Variants in PCNX1 observed in about 807,000 individuals in gnomAD.
The protein encoded by PCNX1 is pecanex 1, also known as pecanex-like protein 1.
In PCNX1, 78 loss-of-function variants were observed where a neutral mutation model predicts 242.2. The observed-to-expected ratio is 0.32, with a 90% CI of 0.27 to 0.39. The LOEUF is 0.39. Among genes scored for constraint, PCNX1 ranks in the 10% least tolerant of loss-of-function variants. The pLI is 1.00. For synonymous variants in PCNX1, 1,024 were observed against 1,032.9 expected (o/e 0.99, Z 0.17); for missense variants, 2,581 against 2,856.5 (o/e 0.90, Z 2.20).
At chr14:70,927,402 T>C (rs1566576564) in intron 1 of PCNX1, among the ~76,000 whole-genome samples, 1 of 152,166 alleles carries the variant, frequency 6.6e-6, no homozygotes, top group Non-Finnish European at 1.5e-5. Flanking sequence ...GTAGTACTTC[T>C]GTTTAAAGGT....
Position 71,109,930 on chromosome 14 carries a change from G to C in PCNX1, c.7021G>C (p.Val2341Leu). The C allele has an allele frequency of 1.2e-6, 2 of 1,612,944 alleles. No homozygotes were observed. The highest frequency in any genetic ancestry group is 1.7e-6 in the Non-Finnish European group (2 of 1,179,004). Residue 2341 changes from valine to leucine, a missense_variant, in exon 36 of 36, where the codon GTG (valine) becomes CTG (leucine). Val to Leu is a conservative substitution (Grantham distance 32). This residue lies in a region of PCNX1 where 432 missense variants were observed against 433.6 expected (regional missense o/e 1.00). Coordinates refer to ENST00000304743, the MANE Select transcript of PCNX1 (RefSeq NM_014982.3). ...ETGVLELGAE[V>L] ...TGGGGTACTAGAACTTGGGGCTGAAGTGTGAGCCAGTGTTTATTATAAAGA... is the reference window on the plus strand; with the variant it reads ...TGGGGTACTAGAACTTGGGGCTGAACTGTGAGCCAGTGTTTATTATAAAGA...
intron 1 of PCNX1, among the ~76,000 whole-genome samples, chr14:70,931,665 A>G (rs2056804553): frequency 1.3e-5 from 2 of 152,216 alleles, no homozygotes; most frequent in African/African-American, 4.8e-5. Flanking sequence ...AGATACTATT[A>G]GCAGAACAGA....
chr14:71,090,631 G>A (rs1566794495), intron 30 of PCNX1, among the ~76,000 whole-genome samples: 1 of 152,086 alleles, frequency 6.6e-6, no homozygotes, highest in Non-Finnish European at 1.5e-5. Context: ...ACAAAATTCA[G>A]TGCATTTCAA....
rs117547530 is a variant in PCNX1 at position 70,972,109 on chromosome 14, A to C, written c.604+2999A>C. On this transcript the variant is annotated intron_variant, in intron 5 of 35. Coordinates refer to ENST00000304743, the MANE Select transcript of PCNX1 (RefSeq NM_014982.3). Reference sequence around the variant, plus strand: ...AGAAGTAGTCTGACTGTGTGTGTAGAAGATACTAAGAAGATAGGTTATGGA... The same window carrying C: ...AGAAGTAGTCTGACTGTGTGTGTAGCAGATACTAAGAAGATAGGTTATGGA... Among the ~76,000 whole-genome samples the C allele has an allele frequency of 3.3e-3, 502 of 152,264 alleles. 4 individuals are homozygous for C. The highest frequency in any genetic ancestry group is 0.024 in the East Asian group (127 of 5,186).
At chr14:71,086,094 C>T (rs2061982660) in intron 28 of PCNX1, among the ~76,000 whole-genome samples, 1 of 152,102 alleles carries the variant, frequency 6.6e-6, no homozygotes, top group Non-Finnish European at 1.5e-5. Flanking sequence ...AATTAATATA[C>T]CAGTAATCCC....
intron 2 of PCNX1, among the ~76,000 whole-genome samples, chr14:70,956,211 G>C (rs1456240252): frequency 6.6e-6 from 1 of 152,130 alleles, no homozygotes; most frequent in Non-Finnish European, 1.5e-5. Flanking sequence ...CCTGGAAAGA[G>C]ACTAGTGCCT....
intron 1 of PCNX1, among the ~76,000 whole-genome samples, chr14:70,917,480 A>G (rs2056197106): frequency 1.3e-5 from 2 of 152,234 alleles, no homozygotes; most frequent in African/African-American, 4.8e-5. Context: ...CTATGTCTCC[A>G]TCAGAGCTCT....
chr14:70,953,943 C>G (rs2057893472), intron 2 of PCNX1, among the ~76,000 whole-genome samples: 1 of 152,198 alleles, frequency 6.6e-6, no homozygotes, highest in African/African-American at 2.4e-5. Context: ...GCTGGGATTA[C>G]AGGCGTGATC....
intron 18 of PCNX1, among the ~76,000 whole-genome samples, chr14:71,034,627 C>G (rs1024273363): frequency 1.3e-5 from 2 of 152,078 alleles, no homozygotes; most frequent in African/African-American, 4.8e-5. Flanking sequence ...AAAATTGTGT[C>G]TATTTATGGA....
intron 5 of PCNX1, among the ~76,000 whole-genome samples, chr14:70,972,558 G>T (rs2058572215): frequency 6.6e-6 from 1 of 152,058 alleles, no homozygotes; most frequent in South Asian, 2.1e-4. Context: ...CTATGGTTTG[G>T]CGCCACCTAG....
chr14:71,028,928 T>C (rs972918441), intron 16 of PCNX1, 137 bp downstream of exon 16: 6 of 515,848 alleles, frequency 1.2e-5, no homozygotes, highest in African/African-American at 8.0e-5. Context: ...TGTTAAACAT[T>C]ATTCTCATTC....
chr14:71,068,416 TTATA>T (rs2061502369), intron 26 of PCNX1, among the ~76,000 whole-genome samples: 1 of 149,292 alleles, frequency 6.7e-6, no homozygotes. Context: ...ATATATGTAT[TTATA>T]TGTATATGTA....
chr14:71,103,476 G>C lies in PCNX1; in HGVS notation c.5902G>C (p.Gly1968Arg). 1 of 1,614,134 alleles carries C rather than the reference G, an allele frequency of 6.2e-7. No individual in the cohort carries two copies. Among genetic ancestry groups the C allele is most frequent in the Non-Finnish European group, 8.5e-7 (1 of 1,180,016 alleles). ...TCTACGTAACCGTAACCCAGAGAGA[G>C]GTAGCATCCAAAATGCAAAGCAAGC... is the stretch of plus-strand genomic sequence containing the variant. Reference protein sequence around the residue: ...VFLRNRNPERGSIQNAKQALR... With the variant: ...VFLRNRNPERRSIQNAKQALR... Residue 1968 changes from glycine (G) to arginine (R), a missense_variant, in exon 32 of 36, where the codon GGT becomes CGT. Gly to Arg is a moderately radical substitution (Grantham distance 125). Coordinates refer to ENST00000304743, the MANE Select transcript of PCNX1 (RefSeq NM_014982.3).
chr14:71,026,500 A>T (rs901881166), intron 14 of PCNX1, among the ~76,000 whole-genome samples: 2 of 152,136 alleles, frequency 1.3e-5, no homozygotes, highest in Non-Finnish European at 2.9e-5. Context: ...CTTGGAGTAG[A>T]TATAATGCAG....
intron 1 of PCNX1, 150 bp downstream of exon 1, chr14:70,908,153 C>A: frequency 1.5e-6 from 1 of 684,946 alleles, no homozygotes; most frequent in Non-Finnish European, 2.2e-6. Flanking sequence ...CTGCGTGCTC[C>A]CACTCCTCTC....
chr14:70,916,288 T>C (rs2056149527), intron 1 of PCNX1, among the ~76,000 whole-genome samples: 1 of 152,150 alleles, frequency 6.6e-6, no homozygotes, highest in African/African-American at 2.4e-5. Context: ...TTGCAAGTTA[T>C]CAGCATGTAG....
chr14:70,949,022 A>ATG (rs202221199), intron 2 of PCNX1, among the ~76,000 whole-genome samples: 7 of 148,638 alleles, frequency 4.7e-5, no homozygotes, highest in Admixed American at 1.3e-4. Context: ...TATAAATAAA[A>ATG]TGTGTGTGTA....
In PCNX1 at chr14:71,042,629, G is replaced by C. The variant is rs1161850726; in HGVS notation, c.3868-2504G>C. On this transcript the variant is annotated intron_variant, in intron 19 of 35. Transcript: ENST00000304743. ...TTTTAAAAAAAAAAAAATTTAAGCA[G>C]AGTGTATTTTTATTTATTTATTTTT... Among the ~76,000 whole-genome samples, 3 of 152,070 alleles carry C rather than the reference G, an allele frequency of 2.0e-5. No individual in the cohort carries two copies. The East Asian group carries it at 5.8e-4, about 29-fold the overall frequency.
At position 71,098,553 on chromosome 14, in the gene PCNX1, T is replaced by TGTGTGTGAGAGAGAGA. The variant is rs60367565; in HGVS notation, c.5590-3436_5590-3435insTGTGTGAGAGAGAGAG. Among the ~76,000 whole-genome samples the TGTGTGTGAGAGAGAGA allele has an allele frequency of 3.0e-3, 383 of 125,710 alleles. 5 individuals carry two copies. The highest frequency in any genetic ancestry group is 0.011 in the African/African-American group (344 of 31,684). 82.5% of individuals were successfully genotyped at this position (125,710 alleles called of 152,430 possible). A position where few individuals can be genotyped will look rare whatever the true frequency, so the allele number is the denominator to read the frequency against. ...GTGTGTGTGTGTGTGTGTGTGTGTGTGAGAGAGAGAGAGAGAACATTGTAG... is the reference window on the plus strand; with the variant it reads ...GTGTGTGTGTGTGTGTGTGTGTGTGTGTGTGTGAGAGAGAGAGAGAGAGAGAGAGAGAACATTGTAG... On this transcript the variant is annotated intron_variant, in intron 30 of 35. Coordinates refer to ENST00000304743, the MANE Select transcript of PCNX1 (RefSeq NM_014982.3).
Sources: allele counts gnomAD v4.1 joint callset (sites outside exome capture counted in the v4.1 genomes callset), GRCh38; gene constraint gnomAD v4.1.1; regional missense constraint gnomAD v4.1.1; transcripts MANE v1.5; gene names NCBI Gene and HGNC (gene_info 2026-07-23, HGNC 2026-07-21).